The following TRPM2 variants were observed in gnomAD, a reference collection of about 807,000 sequenced individuals.
TRPM2 encodes the protein transient receptor potential cation channel subfamily M member 2.
TRPM2 carries 161 observed loss-of-function variants against 174.0 expected under a neutral mutation model. The ratio of observed to expected loss-of-function variants is 0.93; its 90% CI spans 0.81 to 1.05. The LOEUF (loss-of-function observed/expected upper bound fraction) is 1.05, where lower values mean the gene tolerates loss of function less well. Ranked by LOEUF, TRPM2 falls within the 50% of genes least tolerant of loss-of-function variation. TRPM2 has a pLI of 0.00. For synonymous variants in TRPM2, 954 were observed against 861.3 expected, an observed-to-expected ratio of 1.11 and a Z score of -1.88; for missense variants, 2,057 against 2,038.0, an observed-to-expected ratio of 1.01 and a Z score of -0.18.
chr21:44,401,647 GGTCACT>G (rs745896021), intron 15 of TRPM2, 28 bp from the exon 16 acceptor site: 3 of 1,605,674 alleles, frequency 1.9e-6, no homozygotes, highest in South Asian at 2.2e-5. Flanking sequence ...TGGCCCTGGT[GGTCACT>G]GTCTCCTCTC....
chr21:44,440,374 C>T lies in TRPM2; in HGVS notation c.4270-415C>T, dbSNP rs76183773. Among the ~76,000 whole-genome samples, 1,017 of 150,408 alleles carry T rather than the reference C, an allele frequency of 6.8e-3. 13 individuals are homozygous for T. Among genetic ancestry groups the T allele is most frequent in the African/African-American group, 0.024 (985 of 40,844 alleles). On this transcript the variant is annotated intron_variant, in intron 30 of 31. Coordinates refer to ENST00000397928, the MANE Select transcript of TRPM2 (RefSeq NM_003307.4). ...GGAGCACTTCACAACATTGTGCAGC[C>T]ACCACCTCTATCCGGTTCCAGAACG...
intron 23 of TRPM2, among the ~76,000 whole-genome samples, chr21:44,424,637 C>T (rs2050683301): frequency 6.6e-6 from 1 of 152,210 alleles, no homozygotes; most frequent in African/African-American, 2.4e-5. Flanking sequence ...TGTGACTTGG[C>T]AGCCCCCGGG....
chr21:44,398,288 C>T (rs745975289), intron 13 of TRPM2, among the ~76,000 whole-genome samples: 27 of 151,636 alleles, frequency 1.8e-4, no homozygotes, highest in Non-Finnish European at 2.8e-4. Context: ...ACACCCTCTG[C>T]CCTCTGGATT....
chr21:44,421,935 G>C (rs544654813), intron 22 of TRPM2, among the ~76,000 whole-genome samples: 1 of 152,274 alleles, frequency 6.6e-6, no homozygotes, highest in African/African-American at 2.4e-5. Context: ...ATTTGTATGT[G>C]AGTAGAAGTT....
chr21:44,400,922 G>A (rs1044408820), intron 15 of TRPM2, among the ~76,000 whole-genome samples: 1 of 152,194 alleles, frequency 6.6e-6, no homozygotes, highest in African/African-American at 2.4e-5. Context: ...CTGAGGGCTG[G>A]ATGGAGGCTC....
chr21:44,391,078 C>A lies in TRPM2; in HGVS notation c.1440+53C>A. On this transcript the variant is annotated intron_variant, in intron 10 of 31. Coordinates refer to ENST00000397928, the MANE Select transcript of TRPM2 (RefSeq NM_003307.4). The surrounding 1 kb of genome is among the most constrained non-coding windows in gnomAD (Gnocchi z 5.0). Reference sequence around the variant, plus strand: ...GGGCCTACTGGGCCCACATGCATTGCACCACTGAAGCAAGGGCAGGCAAAG... The same window carrying A: ...GGGCCTACTGGGCCCACATGCATTGAACCACTGAAGCAAGGGCAGGCAAAG... 1 of 1,609,376 alleles carries A rather than the reference C, an allele frequency of 6.2e-7. No homozygotes were observed. Among genetic ancestry groups the A allele is most frequent in the Non-Finnish European group, 8.5e-7 (1 of 1,177,040 alleles).
intron 11 of TRPM2, among the ~76,000 whole-genome samples, chr21:44,392,256 C>G (rs1016330646): frequency 6.7e-6 from 1 of 149,052 alleles, no homozygotes; most frequent in Non-Finnish European, 1.5e-5. Context: ...AGCCACCGTG[C>G]CTTGTCTATT....
intron 18 of TRPM2, 117 bp from the exon 19 acceptor site, chr21:44,406,477 C>A (rs2049880431): frequency 1.6e-6 from 2 of 1,277,730 alleles, no homozygotes; most frequent in African/African-American, 1.5e-5. Flanking sequence ...GAGCCTCCTG[C>A]ATGCCGTGTC....
chr21:44,440,969 C>G, intron 31 of TRPM2, 64 bp downstream of exon 31: 1 of 1,431,452 alleles, frequency 7.0e-7, no homozygotes, highest in South Asian at 1.2e-5. Flanking sequence ...GCGTGGCCTC[C>G]GGGGAGGGGG....
rs765174404 is a variant in TRPM2, at chr21:44,406,721, A to G, written c.2918A>G (p.His973Arg). Reference sequence around the variant, plus strand: ...TGGCTGTTCCGAGGGGCCGTCTACCACTCCTACCTCACCATCTTCGGGCAG... The same window carrying G: ...TGGCTGTTCCGAGGGGCCGTCTACCGCTCCTACCTCACCATCTTCGGGCAG... ...VDWLFRGAVY[H>R]SYLTIFGQIP... Residue 973 changes from histidine (H) to arginine (R), a missense_variant, in exon 19 of 32, where the codon CAC becomes CGC. Coordinates refer to ENST00000397928, the MANE Select transcript of TRPM2 (RefSeq NM_003307.4). The G allele has an allele frequency of 2.4e-5, 38 of 1,607,326 alleles. No individual in the cohort carries two copies. In the East Asian group the frequency reaches 8.5e-4, roughly 36 times the overall value.
intron 3 of TRPM2, among the ~76,000 whole-genome samples, chr21:44,364,898 A>G (rs1218302388): frequency 6.6e-6 from 1 of 152,212 alleles, no homozygotes; most frequent in African/African-American, 2.4e-5. Flanking sequence ...AGGTCCCTGG[A>G]CCAGCCATCT....
At chr21:44,422,370 C>G (rs2050581825) in intron 22 of TRPM2, 1 of 1,536,004 alleles carries the variant, frequency 6.5e-7, no homozygotes. Flanking sequence ...CGAGAAGGCT[C>G]CAGTAACCAC....
Position 44,354,693 on chromosome 21 carries a change from G to A in TRPM2, c.211G>A (p.Glu71Lys), listed in dbSNP as rs770494214. 1.9e-6 allele frequency: 3 copies of A among 1,614,204 alleles called. No homozygotes were observed. In the East Asian group the frequency reaches 6.7e-5, roughly 36 times the overall value. The change falls in exon 2 of 32, where the codon GAA becomes AAA. Residue 71 changes from glutamate (E) to lysine (K), a missense_variant. Glu to Lys is a moderately conservative substitution (Grantham distance 56). Transcript: ENST00000397928. This position sits in a 1 kb window ranked among gnomAD's most constrained non-coding sequence, Gnocchi z 4.3. ...SWIPENIKKK[E>K]CVYFVESSKL... The stretch of plus-strand genomic sequence containing the variant: ...GATTCCTGAAAACATCAAGAAGAAA[G>A]AATGCGTGTATTTTGTGGAAAGTTC...
At position 44,405,350 on chromosome 21, in the gene TRPM2, G is replaced by A. The variant is rs9653785; in HGVS notation, c.2657+90G>A. On this transcript the variant is annotated intron_variant, in intron 17 of 31. Transcript: ENST00000397928. ...GGCCGGGCCCAGAACCAGCCACACC[G>A]GGTGAGGCTCAGCTCGTCTGTGAAC... The A allele has an allele frequency of 0.011, 16,635 of 1,561,150 alleles. 722 individuals carry two copies. In the African/African-American group the frequency reaches 0.12, roughly 11 times the overall value.
chr21:44,419,211 G>T (rs533367803), intron 22 of TRPM2, among the ~76,000 whole-genome samples: 154 of 152,296 alleles, frequency 1.0e-3, no homozygotes, highest in African/African-American at 3.6e-3. Flanking sequence ...AAATGGACAC[G>T]GTGCCACCTA....
intron 4 of TRPM2, 175 bp from the exon 5 acceptor site, chr21:44,369,002 C>A: frequency 1.6e-6 from 1 of 607,012 alleles, no homozygotes; most frequent in Non-Finnish European, 2.7e-6. Flanking sequence ...CCCACCTGAG[C>A]GCGTGGGAAC....
intron 17 of TRPM2, 91 bp downstream of exon 17, chr21:44,405,351 G>T: frequency 6.4e-7 from 1 of 1,566,816 alleles, no homozygotes; most frequent in Admixed American, 1.8e-5. Context: ...AGCCACACCG[G>T]GTGAGGCTCA....
chr21:44,402,240 C>A (rs1404980583), intron 16 of TRPM2, among the ~76,000 whole-genome samples: 1 of 152,164 alleles, frequency 6.6e-6, no homozygotes, highest in African/African-American at 2.4e-5. Context: ...GTCCCTAAGA[C>A]CCCTCTCACG....
intron 28 of TRPM2, among the ~76,000 whole-genome samples, chr21:44,435,470 C>T (rs1028614073): frequency 2.0e-5 from 3 of 152,034 alleles, no homozygotes; most frequent in Non-Finnish European, 2.9e-5. Flanking sequence ...GCTGCCTTCA[C>T]TTTCCTGCCG....
Sources: allele counts gnomAD v4.1 joint callset (sites outside exome capture counted in the v4.1 genomes callset), GRCh38; gene constraint gnomAD v4.1.1; non-coding constraint Gnocchi (gnomAD v3.1); transcripts MANE v1.5; gene names NCBI Gene and HGNC (gene_info 2026-07-23, HGNC 2026-07-21).